The following BAZ1A variants were observed in gnomAD, a reference collection of about 807,000 sequenced individuals.
BAZ1A encodes bromodomain adjacent to zinc finger domain protein 1A.
In BAZ1A, 50 loss-of-function variants were observed where a neutral mutation model predicts 185.2. The observed-to-expected ratio is 0.27, with a 90% CI of 0.22 to 0.34. The LOEUF is 0.34. Ranked by LOEUF, BAZ1A falls within the 10% of genes least tolerant of loss-of-function variation. BAZ1A has a pLI of 1.00. For synonymous variants in BAZ1A, 571 were observed against 615.6 expected, an observed-to-expected ratio of 0.93 and a Z score of 1.07; for missense variants, 1,356 against 1,839.9, an observed-to-expected ratio of 0.74 and a Z score of 4.81.
chr14:34,806,827 C>T (rs1372453974), intron 6 of BAZ1A, among the ~76,000 whole-genome samples: 1 of 151,770 alleles, frequency 6.6e-6, no homozygotes, highest in Non-Finnish European at 1.5e-5. Context: ...CAGCTCACAG[C>T]AGCCTTGACC....
chr14:34,755,032 G>A (rs1243941482), intron 25 of BAZ1A, 118 bp from the exon 26 acceptor site: 11 of 606,716 alleles, frequency 1.8e-5, no homozygotes, highest in Non-Finnish European at 3.1e-5. Context: ...ATATGGTCTT[G>A]CTCATGACTC....
chr14:34,767,725 T>A (rs1878946459), intron 21 of BAZ1A, among the ~76,000 whole-genome samples: 1 of 152,146 alleles, frequency 6.6e-6, no homozygotes, highest in African/African-American at 2.4e-5. Flanking sequence ...AGTTCAAAGA[T>A]CATGATCCTT....
intron 2 of BAZ1A, among the ~76,000 whole-genome samples, chr14:34,872,176 C>A (rs2042959149): frequency 1.3e-5 from 2 of 152,250 alleles, no homozygotes; most frequent in South Asian, 4.1e-4. Context: ...CTCTCTGGGA[C>A]TGCTTGTAAT....
intron 4 of BAZ1A, among the ~76,000 whole-genome samples, chr14:34,812,574 C>T (rs2041945615): frequency 6.6e-6 from 1 of 152,112 alleles, no homozygotes; most frequent in Non-Finnish European, 1.5e-5. Context: ...TAGAAAGCTA[C>T]TGAGAACTGA....
Position 34,793,054 on chromosome 14 carries a change from C to G in BAZ1A, c.1364-133G>C, listed in dbSNP as rs575005952. ...TAAGCATCAATTTATGAAAGTATAA[C>G]CAAGTATTATCCAAGCCAAAATAAG... On this transcript the variant is annotated intron_variant, in intron 11 of 26. Transcript: ENST00000360310. 24 of 804,526 alleles carry G rather than the reference C, an allele frequency of 3.0e-5. No individual in the cohort carries two copies. In the African/African-American group the frequency reaches 4.1e-4, roughly 14 times the overall value. 49.8% of individuals were successfully genotyped at this position (804,526 alleles called of 1,614,324 possible).
At chr14:34,855,978 A>G (rs2042670847) in intron 3 of BAZ1A, among the ~76,000 whole-genome samples, 2 of 152,220 alleles carry the variant, frequency 1.3e-5, no homozygotes, top group African/African-American at 4.8e-5. Flanking sequence ...AAAAAATGGA[A>G]CAGAAACATA....
rs1886111973 is a variant in BAZ1A, at chr14:34,753,591, C to T, written c.4588G>A (p.Ala1530Thr). 6.2e-7 allele frequency: 1 copy of T among 1,613,896 alleles called. No homozygotes were observed. Among genetic ancestry groups the T allele is most frequent in the Non-Finnish European group, 8.5e-7 (1 of 1,179,984 alleles). ...GTGACGTGGAGTCCAAGCTTTTGAGCCTGAATATGAAAAAATGCTTGAAGC... is the reference window on the plus strand; with the variant it reads ...GTGACGTGGAGTCCAAGCTTTTGAGTCTGAATATGAAAAAATGCTTGAAGC... Reference protein sequence around the residue: ...TRLQAFFHIQAQKLGLHVTPS... With the variant: ...TRLQAFFHIQTQKLGLHVTPS... Residue 1530 changes from alanine to threonine, a missense_variant, in exon 27 of 27, where the codon GCT (alanine) becomes ACT (threonine). Ala to Thr is a moderately conservative substitution (Grantham distance 58). Around this residue, in one of 7 missense-constraint regions of BAZ1A, gnomAD observed 61 missense variants for 117.9 expected, o/e 0.52. Coordinates refer to ENST00000360310, the MANE Select transcript of BAZ1A (RefSeq NM_013448.3).
At position 34,861,192 on chromosome 14, in the gene BAZ1A, C is replaced by CTT. The variant is rs1428800139; in HGVS notation, c.392+851_392+852insAA. The stretch of plus-strand genomic sequence containing the variant: ...TAATGGGGGCAGGGCATCCAAAAAA[C>CTT]AGTTAATACCTAAAGTCAAGAGGCT... On this transcript the variant is annotated intron_variant, in intron 3 of 26. Transcript: ENST00000360310. Among the ~76,000 whole-genome samples, 46 of 152,014 alleles carry CTT rather than the reference C, an allele frequency of 3.0e-4. 1 individual carries two copies. The highest frequency in any genetic ancestry group is 1.1e-3 in the African/African-American group (45 of 41,476).
At chr14:34,863,695 C>T (rs2042808798) in intron 2 of BAZ1A, among the ~76,000 whole-genome samples, 1 of 152,048 alleles carries the variant, frequency 6.6e-6, no homozygotes, top group Non-Finnish European at 1.5e-5. Context: ...TCAATGAATA[C>T]ACAATCCCAT....
At chr14:34,781,358 A>C (rs1701497656) in intron 16 of BAZ1A, among the ~76,000 whole-genome samples, 1 of 152,206 alleles carries the variant, frequency 6.6e-6, no homozygotes, top group Non-Finnish European at 1.5e-5. Flanking sequence ...TGTCAATTCC[A>C]GAACACCTTC....
At chr14:34,756,170 G>A (rs567413684) in intron 25 of BAZ1A, among the ~76,000 whole-genome samples, 107 of 147,378 alleles carry the variant, frequency 7.3e-4, no homozygotes, top group African/African-American at 2.6e-3. Context: ...CTGGAGTGCA[G>A]TGGCACGATC....
At chr14:34,868,894 ATGTATGTGTGTGTG>A (rs1224275051) in intron 2 of BAZ1A, among the ~76,000 whole-genome samples, 9 of 71,128 alleles carry the variant, frequency 1.3e-4, no homozygotes, top group East Asian at 9.3e-4. Context: ...GTATGTAAGT[ATGTATGTGTGTGTG>A]TGTGTGTGTG....
At position 34,874,730 on chromosome 14, in the gene BAZ1A, C is replaced by G. The variant is rs1019971667; in HGVS notation, c.-58-68G>C. On this transcript the variant is annotated intron_variant, in intron 1 of 26. Coordinates refer to ENST00000360310, the MANE Select transcript of BAZ1A (RefSeq NM_013448.3). This position sits in a 1 kb window ranked among gnomAD's most constrained non-coding sequence, Gnocchi z 4.7. ...CCCTCGGCGGCAGCGTGGGCCGGTC[C>G]GCGCGCTGGGAGAAGCTCGGCTGCC... The G allele has an allele frequency of 4.1e-5, 29 of 699,482 alleles. No individual in the cohort carries two copies. The highest frequency in any genetic ancestry group is 6.5e-5 in the Non-Finnish European group (29 of 442,880). The allele number at this position is 699,482 out of a possible 1,614,324, so 43.3% of individuals were successfully genotyped here. A position where few individuals can be genotyped will look rare whatever the true frequency, so the allele number is the denominator to read the frequency against.
intron 3 of BAZ1A, among the ~76,000 whole-genome samples, chr14:34,839,540 A>C (rs1294735870): frequency 1.1e-4 from 8 of 73,836 alleles, no homozygotes; most frequent in Non-Finnish European, 2.6e-4. Context: ...ACTATCTTTC[A>C]AAAAAAAAAA....
intron 4 of BAZ1A, among the ~76,000 whole-genome samples, chr14:34,822,279 G>C (rs916038807): frequency 6.6e-6 from 1 of 152,170 alleles, no homozygotes; most frequent in Middle Eastern, 3.2e-3. Flanking sequence ...GGGTGACACA[G>C]TGAGACTCTG....
chr14:34,767,076 G>GA (rs1878896829), intron 21 of BAZ1A, among the ~76,000 whole-genome samples: 1 of 152,198 alleles, frequency 6.6e-6, no homozygotes, highest in Non-Finnish European at 1.5e-5. Context: ...ATGAAGTTGG[G>GA]AAAATACAAA....
chr14:34,853,022 G>A (rs1745785901), intron 3 of BAZ1A, among the ~76,000 whole-genome samples: 1 of 150,864 alleles, frequency 6.6e-6, no homozygotes, highest in Non-Finnish European at 1.5e-5. Context: ...GCGTACAGAT[G>A]ATCAATAAAT....
At chr14:34,851,166 C>A (rs1179591327) in intron 3 of BAZ1A, among the ~76,000 whole-genome samples, 1 of 151,732 alleles carries the variant, frequency 6.6e-6, no homozygotes, top group Non-Finnish European at 1.5e-5. Flanking sequence ...AATCCCATCT[C>A]TGCTAAAAAC....
chr14:34,861,172 G>C (rs1035390420), intron 3 of BAZ1A, among the ~76,000 whole-genome samples: 4 of 152,068 alleles, frequency 2.6e-5, no homozygotes, highest in African/African-American at 9.7e-5. Flanking sequence ...GTCAATAATG[G>C]GGGCAGGGCA....
Sources: allele counts gnomAD v4.1 joint callset (sites outside exome capture counted in the v4.1 genomes callset), GRCh38; gene constraint gnomAD v4.1.1; regional missense constraint gnomAD v4.1.1; non-coding constraint Gnocchi (gnomAD v3.1); transcripts MANE v1.5; gene names NCBI Gene and HGNC (gene_info 2026-07-23, HGNC 2026-07-21).